Variants in C10orf90 observed in about 807,000 individuals in gnomAD.
C10orf90 encodes (E2-independent) E3 ubiquitin-conjugating enzyme FATS.
C10orf90 carries 56 observed loss-of-function variants against 62.5 expected under a neutral mutation model. The observed-to-expected ratio is 0.90, with a 90% confidence interval of 0.72 to 1.12. The LOEUF (loss-of-function observed/expected upper bound fraction) is 1.12, where lower values mean the gene tolerates loss of function less well. Among genes scored for constraint, C10orf90 ranks in the 50% most tolerant of loss-of-function variants. The pLI is 0.00. For missense variants in C10orf90, 970 were observed against 880.4 expected, an observed-to-expected ratio of 1.10 and a Z score of -1.29; for synonymous variants, 386 against 340.4, an observed-to-expected ratio of 1.13 and a Z score of -1.47.
chr10:126,468,763 C>T (rs963624766), intron 4 of C10orf90, among the ~76,000 whole-genome samples: 4 of 152,152 alleles, frequency 2.6e-5, no homozygotes, highest in Non-Finnish European at 4.4e-5. Context: ...CTCAATGACA[C>T]ATCATCAAGA....
intron 2 of C10orf90, among the ~76,000 whole-genome samples, chr10:126,580,489 T>C (rs1844723955): frequency 6.6e-6 from 1 of 151,922 alleles, no homozygotes; most frequent in Admixed American, 6.6e-5. Context: ...CCGTCTTTAC[T>C]AAAAATACAA....
intron 4 of C10orf90, among the ~76,000 whole-genome samples, chr10:126,501,270 A>G (rs1862365229): frequency 6.6e-6 from 1 of 152,212 alleles, no homozygotes; most frequent in African/African-American, 2.4e-5. Flanking sequence ...ATTAGAGTCA[A>G]TGAGCTGTGC....
At chr10:126,462,085 T>C (rs1470397577) in intron 5 of C10orf90, among the ~76,000 whole-genome samples, 2 of 152,096 alleles carry the variant, frequency 1.3e-5, no homozygotes, top group Admixed American at 6.6e-5. Context: ...TCAAGGCTGG[T>C]TTGGGGCTCT....
intron 2 of C10orf90, among the ~76,000 whole-genome samples, chr10:126,620,065 G>A (rs1845616835): frequency 6.6e-6 from 1 of 151,688 alleles, no homozygotes; most frequent in African/African-American, 2.4e-5. Context: ...ACACTCTGTG[G>A]CTCACATTTT....
At chr10:126,658,115 T>G (rs1846433818) in intron 1 of C10orf90, among the ~76,000 whole-genome samples, 1 of 152,234 alleles carries the variant, frequency 6.6e-6, no homozygotes, top group African/African-American at 2.4e-5. Flanking sequence ...GAGCGCATTC[T>G]GTCCCAGAAC....
At chr10:126,493,654 C>T (rs7896733) in intron 4 of C10orf90, among the ~76,000 whole-genome samples, 68 of 152,236 alleles carry the variant, frequency 4.5e-4, no homozygotes, top group Non-Finnish European at 8.7e-4. Context: ...CCAAGCCTGG[C>T]TGTGTTTTGC....
chr10:126,621,745 G>C (rs1468400168), intron 2 of C10orf90, among the ~76,000 whole-genome samples: 1 of 152,094 alleles, frequency 6.6e-6, no homozygotes, highest in East Asian at 1.9e-4. Context: ...ACTCATTCTT[G>C]ATATTAATAA....
intron 2 of C10orf90, among the ~76,000 whole-genome samples, chr10:126,640,244 C>G (rs771128048): frequency 6.6e-6 from 1 of 152,240 alleles, no homozygotes; most frequent in African/African-American, 2.4e-5. Flanking sequence ...GCCTCTGTCC[C>G]TCTCAACAAG....
rs147643858 is a variant in C10orf90 at position 126,632,866 on chromosome 10, A to G, written c.313+13699T>C. ...CTGAGTGAGCAGAGCCATCACCCCA[A>G]CTGACAGCTCACTGACCCCACAAGC... On this transcript the variant is annotated intron_variant, in intron 2 of 9. Coordinates refer to ENST00000488181, the MANE Select transcript of C10orf90 (RefSeq NM_001350921.2). Among the ~76,000 whole-genome samples, 1,146 of 152,190 alleles carry G rather than the reference A, an allele frequency of 7.5e-3. 9 individuals are homozygous for G. Among genetic ancestry groups the G allele is most frequent in the African/African-American group, 0.025 (1,039 of 41,530 alleles).
chr10:126,493,874 C>T (rs1235225328), intron 4 of C10orf90, among the ~76,000 whole-genome samples: 1 of 152,214 alleles, frequency 6.6e-6, no homozygotes, highest in Non-Finnish European at 1.5e-5. Context: ...CGTAAATTCT[C>T]CCTGATGTCT....
intron 2 of C10orf90, among the ~76,000 whole-genome samples, chr10:126,536,768 C>T (rs999692825): frequency 4.6e-5 from 7 of 152,180 alleles, no homozygotes; most frequent in African/African-American, 1.7e-4. Context: ...TCAAAGGCAG[C>T]CCTGAAAATC....
intron 2 of C10orf90, among the ~76,000 whole-genome samples, chr10:126,523,270 G>A (rs1035780664): frequency 6.6e-6 from 1 of 152,194 alleles, no homozygotes; most frequent in East Asian, 1.9e-4. Flanking sequence ...CAGAGCAGGG[G>A]CACCAGACTC....
intron 2 of C10orf90, among the ~76,000 whole-genome samples, chr10:126,515,034 C>T (rs960731077): frequency 1.3e-5 from 2 of 152,226 alleles, no homozygotes; most frequent in East Asian, 1.9e-4. Flanking sequence ...TTTATGAAAG[C>T]AGCTCCCTAG....
At chr10:126,631,567 C>T (rs566907465) in intron 2 of C10orf90, among the ~76,000 whole-genome samples, 1 of 152,132 alleles carries the variant, frequency 6.6e-6, no homozygotes, top group South Asian at 2.1e-4. Context: ...TTCAGGAGAG[C>T]AAGTTCCCTT....
intron 2 of C10orf90, among the ~76,000 whole-genome samples, chr10:126,609,573 G>A (rs562735684): frequency 1.3e-5 from 2 of 152,352 alleles, no homozygotes; most frequent in East Asian, 3.9e-4. Context: ...ACAAATTGCG[G>A]TGCTCAGGTT....
chr10:126,527,324 T>A (rs1264462336), intron 2 of C10orf90, among the ~76,000 whole-genome samples: 1 of 152,224 alleles, frequency 6.6e-6, no homozygotes, highest in African/African-American at 2.4e-5. Context: ...ATGTGGAGCA[T>A]CTTTTCATGT....
chr10:126,529,881 T>G (rs181715830), intron 2 of C10orf90, among the ~76,000 whole-genome samples: 40 of 152,334 alleles, frequency 2.6e-4, no homozygotes, highest in East Asian at 1.5e-3. Context: ...AATACTGCAT[T>G]AAGATGTGCC....
At position 126,425,369 on chromosome 10, in the gene C10orf90, G is replaced by A. The variant is rs1180017800; in HGVS notation, c.*495C>T. Reference sequence around the variant, plus strand: ...CCAAGTCAGCCTCTAGCATTGGGTGGTGTACATGTTCAGAAAGGTTTCAAA... The same window carrying A: ...CCAAGTCAGCCTCTAGCATTGGGTGATGTACATGTTCAGAAAGGTTTCAAA... On this transcript the variant is annotated 3_prime_UTR_variant, in exon 10 of 10. Coordinates refer to ENST00000488181, the MANE Select transcript of C10orf90 (RefSeq NM_001350921.2). The A allele has an allele frequency of 6.4e-6, 1 of 156,934 alleles. No homozygotes were observed. The highest frequency in any genetic ancestry group is 6.2e-5 in the Admixed American group (1 of 16,084). The allele number at this position is 156,934 out of a possible 1,614,324, so 9.7% of individuals were successfully genotyped here.
At chr10:126,484,466 C>A (rs1564824241) in intron 4 of C10orf90, among the ~76,000 whole-genome samples, 1 of 152,034 alleles carries the variant, frequency 6.6e-6, no homozygotes, top group Non-Finnish European at 1.5e-5. Flanking sequence ...ATATACATGG[C>A]CAATACATGA....
Sources: allele counts gnomAD v4.1 joint callset (sites outside exome capture counted in the v4.1 genomes callset), GRCh38; gene constraint gnomAD v4.1.1; transcripts MANE v1.5; gene names NCBI Gene and HGNC (gene_info 2026-07-23, HGNC 2026-07-21).